The following PRKAG2 variants were observed in gnomAD, a reference collection of about 807,000 sequenced individuals.
PRKAG2 encodes 5'-AMP-activated protein kinase subunit gamma-2.
PRKAG2 carries 26 observed loss-of-function variants against 69.6 expected under a neutral mutation model. The observed-to-expected ratio is 0.37, with a 90% confidence interval of 0.27 to 0.52. The LOEUF (loss-of-function observed/expected upper bound fraction) is 0.52. Among genes scored for constraint, PRKAG2 ranks in the 20% least tolerant of loss-of-function variants. PRKAG2 has a pLI of 0.90. For synonymous variants in PRKAG2, 293 were observed against 285.0 expected, an observed-to-expected ratio of 1.03 and a Z score of -0.28; for missense variants, 557 against 740.0, an observed-to-expected ratio of 0.75 and a Z score of 2.87.
At chr7:151,721,309 C>T (rs1441451176) in intron 3 of PRKAG2, among the ~76,000 whole-genome samples, 2 of 152,160 alleles carry the variant, frequency 1.3e-5, no homozygotes, top group African/African-American at 2.4e-5. Flanking sequence ...GCCATCTCCT[C>T]GGTCACTCTG....
chr7:151,778,449 TA>T (rs1350770324), intron 3 of PRKAG2, among the ~76,000 whole-genome samples: 2 of 152,206 alleles, frequency 1.3e-5, no homozygotes, highest in Non-Finnish European at 2.9e-5. Context: ...CTTCCCTTTA[TA>T]AATGACCCAG....
intron 5 of PRKAG2, among the ~76,000 whole-genome samples, chr7:151,627,160 C>T (rs2727566): frequency 1.3e-5 from 2 of 152,046 alleles, no homozygotes; most frequent in African/African-American, 4.8e-5. Flanking sequence ...AAACAAAGCC[C>T]GGAGAGGCCT....
intron 5 of PRKAG2, among the ~76,000 whole-genome samples, chr7:151,606,657 G>GAA (rs1483462324): frequency 6.6e-6 from 1 of 151,888 alleles, no homozygotes; most frequent in Non-Finnish European, 1.5e-5. Flanking sequence ...CCATCTCTAT[G>GAA]AAAAATACAA....
chr7:151,854,047 A>T (rs1161339226), intron 1 of PRKAG2, among the ~76,000 whole-genome samples: 1 of 152,094 alleles, frequency 6.6e-6, no homozygotes, highest in Non-Finnish European at 1.5e-5. Context: ...TGGGTCATTC[A>T]CCAGCAGCCC....
intron 4 of PRKAG2, among the ~76,000 whole-genome samples, chr7:151,655,663 T>C (rs1829302460): frequency 6.6e-6 from 1 of 152,122 alleles, no homozygotes; most frequent in African/African-American, 2.4e-5. Flanking sequence ...CAATAGAGCA[T>C]CAAATCAAGG....
chr7:151,731,483 G>A (rs978331154), intron 3 of PRKAG2, among the ~76,000 whole-genome samples: 4 of 152,154 alleles, frequency 2.6e-5, no homozygotes, highest in African/African-American at 7.2e-5. Context: ...GTGATTCCGG[G>A]GGCTGCAGGG....
chr7:151,705,505 G>A (rs974374136), intron 3 of PRKAG2, among the ~76,000 whole-genome samples: 2 of 152,152 alleles, frequency 1.3e-5, no homozygotes, highest in Non-Finnish European at 1.5e-5. Flanking sequence ...ACAGCTGGGC[G>A]AGGGGACAGC....
At position 151,777,029 on chromosome 7, in the gene PRKAG2, C is replaced by T. The variant is rs772968611; in HGVS notation, c.466+4123G>A. Reference sequence around the variant, plus strand: ...CACATTCCTCAGCCCGCAGCTGGAGCTCCTGCAGTACAGGAGATGGGTTGG... The same window carrying T: ...CACATTCCTCAGCCCGCAGCTGGAGTTCCTGCAGTACAGGAGATGGGTTGG... On this transcript the variant is annotated intron_variant, in intron 3 of 15. Transcript: ENST00000287878. This position sits in a 1 kb window ranked among gnomAD's most constrained non-coding sequence, Gnocchi z 4.3. 2.6e-5 allele frequency among the ~76,000 whole-genome samples: 4 copies of T among 152,178 alleles called. No homozygotes were observed. Among genetic ancestry groups the T allele is most frequent in the Non-Finnish European group, 4.4e-5 (3 of 68,028 alleles).
Position 151,632,572 on chromosome 7 carries a change from T to A in PRKAG2, c.685-434A>T. 1.0e-6 allele frequency: 1 copy of A among 983,780 alleles called. No individual in the cohort carries two copies. The highest frequency in any genetic ancestry group is 1.2e-6 in the Non-Finnish European group (1 of 829,344). 60.9% of individuals were successfully genotyped at this position (983,780 alleles called of 1,614,324 possible). A position where few individuals can be genotyped will look rare whatever the true frequency, so the allele number is the denominator to read the frequency against. ...ACTCCGCCCCCCGGCGCCGCTCACC[T>A]TCCCAGCACCGGCGGCCGCGCTCGG... On this transcript the variant is annotated intron_variant, in intron 4 of 15. Transcript: ENST00000287878. The surrounding 1 kb of genome is among the most constrained non-coding windows in gnomAD (Gnocchi z 4.2).
rs2077608524 is a variant in PRKAG2 at position 151,797,403 on chromosome 7, C to T, written c.115-10862G>A. On this transcript the variant is annotated intron_variant, in intron 1 of 15. Transcript: ENST00000287878. ...GCTGGCTGGCTCTGAGACACACCCTCCTCTACGTAGAGGACCTTGTGTGAG... is the reference window on the plus strand; with the variant it reads ...GCTGGCTGGCTCTGAGACACACCCTTCTCTACGTAGAGGACCTTGTGTGAG... 3.3e-5 allele frequency among the ~76,000 whole-genome samples: 5 copies of T among 152,148 alleles called. No individual in the cohort carries two copies. In the South Asian group the frequency reaches 8.3e-4, roughly 25 times the overall value.
At chr7:151,705,873 T>C (rs563581471) in intron 3 of PRKAG2, among the ~76,000 whole-genome samples, 1 of 152,226 alleles carries the variant, frequency 6.6e-6, no homozygotes, top group African/African-American at 2.4e-5. Context: ...CGCTGCGTTT[T>C]ATTTGACATT....
intron 5 of PRKAG2, among the ~76,000 whole-genome samples, chr7:151,624,679 A>C (rs1369026770): frequency 1.3e-5 from 2 of 152,108 alleles, no homozygotes; most frequent in African/African-American, 4.8e-5. Flanking sequence ...CCCACTTGCT[A>C]CTGCCTTCAG....
In PRKAG2 at chr7:151,655,337, C is replaced by T. The variant is rs145356199; in HGVS notation, c.684+20083G>A. 3.3e-3 allele frequency among the ~76,000 whole-genome samples: 502 copies of T among 152,252 alleles called. 3 individuals carry two copies. Among genetic ancestry groups the T allele is most frequent in the African/African-American group, 0.011 (476 of 41,564 alleles). ...ATATGAGCTGATCGCTCCTAAGAAT[C>T]GTGAGCCCTCCTTAATCTCTCTGCT... On this transcript the variant is annotated intron_variant, in intron 4 of 15. Transcript: ENST00000287878.
chr7:151,614,003 A>G lies in PRKAG2; in HGVS notation c.754+18066T>C, dbSNP rs1819507295. Among the ~76,000 whole-genome samples the G allele has an allele frequency of 1.3e-5, 2 of 151,894 alleles. No homozygotes were observed. Among genetic ancestry groups the G allele is most frequent in the African/African-American group, 4.8e-5 (2 of 41,346 alleles). ...TTTTTGGTAGAGACAGGCTTTCGCT[A>G]TGTTGGTCAGGCTGGTCTCGAACTT... On this transcript the variant is annotated intron_variant, in intron 5 of 15. Transcript: ENST00000287878. The surrounding 1 kb of genome is among the most constrained non-coding windows in gnomAD (Gnocchi z 4.4).
At position 151,590,845 on chromosome 7, in the gene PRKAG2, G is replaced by C. The variant is rs574063729; in HGVS notation, c.864+4500C>G. 2.6e-5 allele frequency among the ~76,000 whole-genome samples: 4 copies of C among 152,382 alleles called. No individual in the cohort carries two copies. In the South Asian group the frequency reaches 8.3e-4, roughly 32 times the overall value. ...CTAGTTTGGTGGGACTGATTGCTAT[G>C]AGTGGTCTTATGAGAAATTGTTCAT... On this transcript the variant is annotated intron_variant, in intron 6 of 15. Coordinates refer to ENST00000287878, the MANE Select transcript of PRKAG2 (RefSeq NM_016203.4).
At chr7:151,676,251 G>GGGAC (rs1832928576) in intron 3 of PRKAG2, among the ~76,000 whole-genome samples, 1 of 150,152 alleles carries the variant, frequency 6.7e-6, no homozygotes, top group African/African-American at 2.4e-5. Flanking sequence ...GGAGGGGGAG[G>GGGAC]GGGAGGGGAC....
At position 151,756,892 on chromosome 7, in the gene PRKAG2, C is replaced by T. The variant is rs35798852; in HGVS notation, c.466+24260G>A. On this transcript the variant is annotated intron_variant, in intron 3 of 15. Coordinates refer to ENST00000287878, the MANE Select transcript of PRKAG2 (RefSeq NM_016203.4). This position sits in a 1 kb window ranked among gnomAD's most constrained non-coding sequence, Gnocchi z 4.9. ...GAGTAACCCTCTTCCAGGTAGGACC[C>T]GGGCTGACAGCTGAGCTAGGGCCAT... 0.048 allele frequency among the ~76,000 whole-genome samples: 7,322 copies of T among 152,260 alleles called. 252 individuals carry two copies. Among genetic ancestry groups the T allele is most frequent in the Non-Finnish European group, 0.072 (4,867 of 68,006 alleles).
At chr7:151,735,901 GA>G in intron 3 of PRKAG2, 2 of 1,536,264 alleles carry the variant, frequency 1.3e-6, no homozygotes, top group Non-Finnish European at 1.7e-6. Context: ...GAGTCCTACC[GA>G]AAAGGCCATG....
chr7:151,806,724 T>C (rs4726100), intron 1 of PRKAG2: 55,269 of 307,118 alleles, frequency 0.18, 5,544 homozygotes, highest in Non-Finnish European at 0.18. Context: ...CCTGAGGACT[T>C]TGAGGTGGAG....
Sources: gnomAD v4.1 joint callset for allele counts (sites outside exome capture counted in the v4.1 genomes callset) on GRCh38, gnomAD v4.1.1 for gene constraint, Gnocchi (gnomAD v3.1) non-coding constraint, MANE v1.5 for transcripts, NCBI Gene and HGNC (gene_info 2026-07-23, HGNC 2026-07-21) for gene names.